The following REPS1 variants were observed in gnomAD, a reference collection of about 807,000 sequenced individuals.
The protein encoded by REPS1 is RALBP1 associated Eps domain containing 1.
In REPS1, 39 loss-of-function variants were observed where a neutral mutation model predicts 100.9. That is an observed-to-expected ratio of 0.39 (90% CI 0.30 to 0.50). The LOEUF (loss-of-function observed/expected upper bound fraction) is 0.50, where lower values mean the gene tolerates loss of function less well. Ranked by LOEUF, REPS1 falls within the 20% of genes least tolerant of loss-of-function variation. The pLI, the probability that REPS1 is intolerant of heterozygous loss-of-function variation, is 0.86. For synonymous variants in REPS1, 324 were observed against 340.3 expected, an observed-to-expected ratio of 0.95 and a Z score of 0.53; for missense variants, 821 against 968.5, an observed-to-expected ratio of 0.85 and a Z score of 2.02.
intron 8 of REPS1, among the ~76,000 whole-genome samples, chr6:138,939,005 A>G (rs1782051991): frequency 6.6e-6 from 1 of 151,758 alleles, no homozygotes; most frequent in African/African-American, 2.4e-5. Context: ...ACACCACCAC[A>G]CCCTGCTAAT....
At chr6:138,955,705 GAAAA>G (rs1487587219) in intron 1 of REPS1, among the ~76,000 whole-genome samples, 2 of 151,868 alleles carry the variant, frequency 1.3e-5, no homozygotes, top group Non-Finnish European at 2.9e-5. Flanking sequence ...TAACTTCTAG[GAAAA>G]AAGATAAACT....
chr6:138,949,596 C>T (rs1343058286), intron 1 of REPS1, among the ~76,000 whole-genome samples: 4 of 151,792 alleles, frequency 2.6e-5, no homozygotes, highest in Non-Finnish European at 5.9e-5. Context: ...TGTGGTGGTG[C>T]GCACTGGTAA....
chr6:138,923,528 A>G (rs1287681496), intron 10 of REPS1, among the ~76,000 whole-genome samples: 3 of 152,224 alleles, frequency 2.0e-5, no homozygotes, highest in African/African-American at 4.8e-5. Context: ...TTGCAGTGCA[A>G]TCAATCACAG....
chr6:138,984,080 T>C lies in REPS1; in HGVS notation c.153+3450A>G, dbSNP rs1470430724. Among the ~76,000 whole-genome samples, 131 of 125,770 alleles carry C rather than the reference T, an allele frequency of 1.0e-3. No homozygotes were observed. In the East Asian group the frequency reaches 0.012, roughly 11 times the overall value. The allele number at this position is 125,770 out of a possible 152,430, so 82.5% of individuals were successfully genotyped here. On this transcript the variant is annotated intron_variant, in intron 1 of 19. Coordinates refer to ENST00000450536, the MANE Select transcript of REPS1 (RefSeq NM_001286611.2). ...ATCTCTACCATCTCTCTCTCTCTCT[T>C]TTTTTTTTTTTTTTTTTGAGACAGC...
chr6:138,960,068 T>C (rs1783640571), intron 1 of REPS1, among the ~76,000 whole-genome samples: 1 of 152,200 alleles, frequency 6.6e-6, no homozygotes, highest in Non-Finnish European at 1.5e-5. Flanking sequence ...AAAGGTTCTG[T>C]AGTCGAGTAA....
chr6:138,909,627 C>T (rs1779880062), intron 17 of REPS1, among the ~76,000 whole-genome samples: 1 of 151,184 alleles, frequency 6.6e-6, no homozygotes, highest in South Asian at 2.1e-4. Context: ...TGGGGGTGGT[C>T]CCCCATGCTG....
chr6:138,919,986 A>G (rs985398464), intron 12 of REPS1, among the ~76,000 whole-genome samples: 2 of 152,232 alleles, frequency 1.3e-5, no homozygotes, highest in African/African-American at 4.8e-5. Context: ...AGGAAGAGCC[A>G]TAAGATCAAA....
At chr6:138,977,442 T>G (rs1192527383) in intron 1 of REPS1, among the ~76,000 whole-genome samples, 6 of 152,226 alleles carry the variant, frequency 3.9e-5, no homozygotes, top group Non-Finnish European at 2.9e-5. Flanking sequence ...TAAGCTATCC[T>G]CTTTCCTCAG....
intron 1 of REPS1, among the ~76,000 whole-genome samples, chr6:138,974,266 T>C (rs139272697): frequency 1.3e-5 from 2 of 152,288 alleles, no homozygotes; most frequent in Admixed American, 1.3e-4. Context: ...TTCAAGAATC[T>C]ATCAATTCTT....
In REPS1 at chr6:138,987,877, T is replaced by G; in HGVS notation, c.-195A>C. The stretch of plus-strand genomic sequence containing the variant: ...TCGCGAGGAGGGGGCCCGGCTGCGC[T>G]CGCCGCGCCGCTGCCTGCGAGGCCC... On this transcript the variant is annotated 5_prime_UTR_variant, in exon 1 of 20. Coordinates refer to ENST00000450536, the MANE Select transcript of REPS1 (RefSeq NM_001286611.2). 1 of 502,784 alleles carries G rather than the reference T, an allele frequency of 2.0e-6. No homozygotes were observed. The highest frequency in any genetic ancestry group is 3.1e-6 in the Non-Finnish European group (1 of 327,414). 31.1% of individuals were successfully genotyped at this position (502,784 alleles called of 1,614,324 possible). A position where few individuals can be genotyped will look rare whatever the true frequency, so the allele number is the denominator to read the frequency against.
At chr6:138,984,659 A>G (rs1785154344) in intron 1 of REPS1, among the ~76,000 whole-genome samples, 1 of 152,116 alleles carries the variant, frequency 6.6e-6, no homozygotes, top group South Asian at 2.1e-4. Flanking sequence ...CCAGTTTCTC[A>G]CTTCGTATCT....
At chr6:138,909,023 T>C (rs1779842576) in intron 17 of REPS1, 2 of 524,212 alleles carry the variant, frequency 3.8e-6, no homozygotes, top group Non-Finnish European at 3.4e-6. Context: ...ATCATGAATG[T>C]ACCTGCAATA....
chr6:138,981,530 TCA>T (rs561272336), intron 1 of REPS1, among the ~76,000 whole-genome samples: 2 of 152,324 alleles, frequency 1.3e-5, no homozygotes, highest in African/African-American at 4.8e-5. Context: ...GACCCTTTCA[TCA>T]GTTTCCTCTT....
chr6:138,953,395 G>A (rs778481346), intron 1 of REPS1, among the ~76,000 whole-genome samples: 1 of 151,956 alleles, frequency 6.6e-6, no homozygotes, highest in African/African-American at 2.4e-5. Flanking sequence ...AATCAACAGA[G>A]TAAAAGACAA....
At chr6:138,913,634 G>T (rs141936524) in intron 15 of REPS1, among the ~76,000 whole-genome samples, 1 of 152,266 alleles carries the variant, frequency 6.6e-6, no homozygotes, top group East Asian at 1.9e-4. Context: ...ACTAAAGAAA[G>T]AAATCTGAAG....
At chr6:138,983,350 G>C (rs1399141657) in intron 1 of REPS1, among the ~76,000 whole-genome samples, 1 of 152,180 alleles carries the variant, frequency 6.6e-6, no homozygotes, top group African/African-American at 2.4e-5. Context: ...AGCTACCCAG[G>C]AGGCTGAGGC....
intron 8 of REPS1, among the ~76,000 whole-genome samples, chr6:138,936,260 A>AT (rs1186054564): frequency 6.6e-6 from 1 of 152,078 alleles, no homozygotes; most frequent in African/African-American, 2.4e-5. Context: ...TGGTGAGATC[A>AT]TAGCTTACTG....
At chr6:138,916,619 AT>A (rs1276698397) in intron 13 of REPS1, among the ~76,000 whole-genome samples, 4 of 152,186 alleles carry the variant, frequency 2.6e-5, no homozygotes, top group Non-Finnish European at 5.9e-5. Context: ...CTGAAAAAAA[AT>A]AATTGTATAA....
In REPS1 at chr6:138,908,938, A is replaced by G. The variant is rs373277769; in HGVS notation, c.2068-122T>C. ...TGGAAAATTGAAAGTTACTTGTCCT[A>G]CTTTAAATCTATATATTTGTGGCAA... is the stretch of plus-strand genomic sequence containing the variant. On this transcript the variant is annotated intron_variant, in intron 17 of 19. Coordinates refer to ENST00000450536, the MANE Select transcript of REPS1 (RefSeq NM_001286611.2). 11 of 840,446 alleles carry G rather than the reference A, an allele frequency of 1.3e-5. 1 individual carries two copies. The highest frequency in any genetic ancestry group is 8.2e-5 in the East Asian group (3 of 36,438). The allele number at this position is 840,446 out of a possible 1,614,324, so 52.1% of individuals were successfully genotyped here. A position where few individuals can be genotyped will look rare whatever the true frequency, so the allele number is the denominator to read the frequency against.
Sources: gnomAD v4.1 joint callset for allele counts (sites outside exome capture counted in the v4.1 genomes callset) on GRCh38, gnomAD v4.1.1 for gene constraint, MANE v1.5 for transcripts, NCBI Gene and HGNC (gene_info 2026-07-23, HGNC 2026-07-21) for gene names.